The following PDE1A variants were observed in gnomAD, a reference collection of about 807,000 sequenced individuals.
The protein encoded by PDE1A is phosphodiesterase 1A.
PDE1A carries 35 observed loss-of-function variants against 61.7 expected under a neutral mutation model. The ratio of observed to expected loss-of-function variants is 0.57; its 90% CI spans 0.43 to 0.75. PDE1A has a LOEUF of 0.75. Among genes scored for constraint, PDE1A ranks in the 30% least tolerant of loss-of-function variants. The pLI is 0.00. For missense variants in PDE1A, 597 were observed against 630.6 expected (o/e 0.95, Z 0.57); for synonymous variants, 232 against 213.2 (o/e 1.09, Z -0.77).
chr2:182,205,171 C>T (rs1346161616), intron 8 of PDE1A, among the ~76,000 whole-genome samples: 1 of 152,082 alleles, frequency 6.6e-6, no homozygotes, highest in Non-Finnish European at 1.5e-5. Flanking sequence ...AAGATAAATA[C>T]AGGCCTTTTT....
At chr2:182,623,074 A>G in the PDE1A span, among the ~76,000 whole-genome samples, 1 of 152,188 alleles carries the variant, frequency 6.6e-6, no homozygotes, top group South Asian at 2.1e-4. Flanking sequence ...AGTTTGCACA[A>G]GTGGTTGAAT....
intron 2 of PDE1A, among the ~76,000 whole-genome samples, chr2:182,436,030 T>C (rs1684382524): frequency 6.6e-6 from 1 of 152,066 alleles, no homozygotes; most frequent in African/African-American, 2.4e-5. Context: ...ATCCACTGAC[T>C]TTGCCAGACT....
chr2:182,345,659 T>A (rs1320337713), intron 1 of PDE1A, among the ~76,000 whole-genome samples: 1 of 152,180 alleles, frequency 6.6e-6, no homozygotes, highest in Non-Finnish European at 1.5e-5. Flanking sequence ...ATGCTCCTGC[T>A]TAAACAGTCT....
intron 10 of PDE1A, 146 bp from the exon 11 acceptor site, chr2:182,189,206 G>A (rs1685491469): frequency 5.9e-6 from 3 of 504,808 alleles, no homozygotes; most frequent in Non-Finnish European, 7.0e-6. Flanking sequence ...AAAAGCTATG[G>A]TCCAAGTTTA....
chr2:182,335,070 G>A (rs1205902547), intron 1 of PDE1A, among the ~76,000 whole-genome samples: 1 of 152,126 alleles, frequency 6.6e-6, no homozygotes, highest in African/African-American at 2.4e-5. Context: ...AGCTTATAAG[G>A]GATGTGAAGG....
chr2:182,146,510 G>A (rs1690503285), downstream of PDE1A, among the ~76,000 whole-genome samples: 3 of 152,120 alleles, frequency 2.0e-5, no homozygotes, highest in South Asian at 6.2e-4. Context: ...TTTTGAGATG[G>A]AGTCTTGCAC....
chr2:182,536,117 G>A, the PDE1A span, among the ~76,000 whole-genome samples: 2 of 152,122 alleles, frequency 1.3e-5, no homozygotes, highest in East Asian at 3.9e-4. Context: ...GTTATAATCT[G>A]TGCACATGAG....
At chr2:182,159,899 G>A (rs68189385) in intron 13 of PDE1A, among the ~76,000 whole-genome samples, 39,677 of 152,052 alleles carry the variant, frequency 0.26, 5,642 homozygotes, top group Non-Finnish European at 0.3. Context: ...GCTGCAGTGA[G>A]CTATGATTAT....
the PDE1A span, among the ~76,000 whole-genome samples, chr2:182,709,589 G>A: frequency 1.3e-5 from 2 of 152,208 alleles, no homozygotes; most frequent in African/African-American, 4.8e-5. Flanking sequence ...CTTAGCTGGA[G>A]CTTACAAAAT....
At chr2:182,264,867 G>GTATATATATACATATATA (rs1406933050) in intron 1 of PDE1A, among the ~76,000 whole-genome samples, 1 of 34,142 alleles carries the variant, frequency 2.9e-5, no homozygotes, top group African/African-American at 2.0e-4. Context: ...AGAAAATGTG[G>GTATATATATACATATATA]TATATATATA....
chr2:182,521,737 C>T (rs1574852608), intron 2 of PDE1A, among the ~76,000 whole-genome samples: 1 of 152,154 alleles, frequency 6.6e-6, no homozygotes, highest in East Asian at 1.9e-4. Flanking sequence ...TAATTTAAAG[C>T]CAAAACTCTC....
At chr2:182,309,059 C>A (rs1269994160) in intron 1 of PDE1A, among the ~76,000 whole-genome samples, 1 of 149,978 alleles carries the variant, frequency 6.7e-6, no homozygotes, top group Admixed American at 6.6e-5. Flanking sequence ...GAAGTTCACA[C>A]AGGGAAAAAG....
the PDE1A span, among the ~76,000 whole-genome samples, chr2:182,560,361 G>A: frequency 1.5e-4 from 22 of 151,338 alleles, no homozygotes; most frequent in African/African-American, 4.4e-4. Context: ...ATGATTTCCA[G>A]TTTCATCCAT....
intron 1 of PDE1A, among the ~76,000 whole-genome samples, chr2:182,405,996 T>C (rs149430756): frequency 0.013 from 1,936 of 152,120 alleles, 26 homozygotes; most frequent in South Asian, 0.047. Flanking sequence ...GAAAGCTTTA[T>C]GGATCCATCT....
chr2:182,188,673 C>T (rs1419542054), intron 11 of PDE1A, among the ~76,000 whole-genome samples: 1 of 152,134 alleles, frequency 6.6e-6, no homozygotes, highest in Non-Finnish European at 1.5e-5. Context: ...AATTAAATTA[C>T]AGAAAACAAT....
intron 1 of PDE1A, among the ~76,000 whole-genome samples, chr2:182,270,964 A>G (rs570709950): frequency 3.3e-4 from 50 of 152,008 alleles, no homozygotes; most frequent in African/African-American, 1.2e-3. Flanking sequence ...GGACGTAAAG[A>G]CTTTTCCAGT....
At chr2:182,534,504 ATTAC>A in the PDE1A span, among the ~76,000 whole-genome samples, 1 of 151,850 alleles carries the variant, frequency 6.6e-6, no homozygotes, top group Non-Finnish European at 1.5e-5. Flanking sequence ...TTTCTTTCAA[ATTAC>A]TTACCAGTTT....
At chr2:182,597,237 G>A in the PDE1A span, among the ~76,000 whole-genome samples, 2,203 of 152,148 alleles carry the variant, frequency 0.014, 28 homozygotes, top group Admixed American at 0.021. Flanking sequence ...GAGCAATTAT[G>A]AGAAATGAAT....
At chr2:182,145,553 C>A (rs1303132365), downstream of PDE1A, among the ~76,000 whole-genome samples, 2 of 152,040 alleles carry the variant, frequency 1.3e-5, no homozygotes, top group Non-Finnish European at 2.9e-5. Flanking sequence ...CACGCTGAAA[C>A]CCTGTCTCTA....
Sources: allele counts gnomAD v4.1 joint callset (sites outside exome capture counted in the v4.1 genomes callset), GRCh38; gene constraint gnomAD v4.1.1; transcripts MANE v1.5; gene names NCBI Gene and HGNC (gene_info 2026-07-23, HGNC 2026-07-21).